The following ULK1 variants were observed in gnomAD, a reference collection of about 807,000 sequenced individuals.
ULK1 encodes serine/threonine-protein kinase ULK1.
In ULK1, 48 loss-of-function variants were observed where a neutral mutation model predicts 117.5. The ratio of observed to expected loss-of-function variants is 0.41; its 90% confidence interval spans 0.32 to 0.52. The LOEUF (loss-of-function observed/expected upper bound fraction) is 0.52, where lower values mean the gene tolerates loss of function less well. Among genes scored for constraint, ULK1 ranks in the 20% least tolerant of loss-of-function variants. The pLI, the probability that ULK1 is intolerant of heterozygous loss-of-function variation, is 0.29. For missense variants in ULK1, 1,387 were observed against 1,473.4 expected (o/e 0.94, Z 0.96); for synonymous variants, 790 against 637.8 (o/e 1.24, Z -3.60).
intron 4 of ULK1, 77 bp downstream of exon 4, chr12:131,907,001 TG>T (rs1889302890): frequency 6.3e-7 from 1 of 1,593,914 alleles, no homozygotes. Flanking sequence ...GGGACATGGC[TG>T]GGGGGAGGGT....
rs1315182614 is a variant in ULK1, at chr12:131,903,683, C to T, written c.247-3209C>T. Among the ~76,000 whole-genome samples the T allele has an allele frequency of 4.6e-5, 7 of 152,142 alleles. No individual in the cohort carries two copies. The highest frequency in any genetic ancestry group is 4.6e-4 in the Admixed American group (7 of 15,274). On this transcript the variant is annotated intron_variant, in intron 3 of 27. Coordinates refer to ENST00000321867, the MANE Select transcript of ULK1 (RefSeq NM_003565.4). This position sits in a 1 kb window ranked among gnomAD's most constrained non-coding sequence, Gnocchi z 6.0. ...TACCCTGCAGCCCCACCCCCAGTGG[C>T]CTTGAGTCACCTGCTGGAGAGGACC...
chr12:131,909,873 C>T (rs1211591321), intron 9 of ULK1, 40 bp downstream of exon 9: 1 of 1,609,980 alleles, frequency 6.2e-7, no homozygotes, highest in Non-Finnish European at 8.5e-7. Flanking sequence ...CCCCCGCGGG[C>T]TCCGGCCCCG....
chr12:131,915,608 C>A (rs572589279), intron 18 of ULK1, among the ~76,000 whole-genome samples, 187 bp downstream of exon 18: 1 of 152,322 alleles, frequency 6.6e-6, no homozygotes, highest in East Asian at 1.9e-4. Flanking sequence ...CCCCTCTGTG[C>A]CAGTCTTCTG....
Position 131,908,818 on chromosome 12 carries a change from G to C in ULK1, c.490+1G>C. ...CCCAACAGCATCCGCGTCAAGATCG[G>C]TCAGCCCGCGGGCAGGCAGGCGGGC... On this transcript the variant is annotated splice_donor_variant, in intron 6 of 27. Transcript: ENST00000321867. LOFTEE classifies it high-confidence loss of function. The C allele has an allele frequency of 6.2e-7, 1 of 1,605,636 alleles. No individual in the cohort carries two copies. The highest frequency in any genetic ancestry group is 8.5e-7 in the Non-Finnish European group (1 of 1,176,766).
chr12:131,917,217 C>G lies in ULK1; in HGVS notation c.2182+155C>G, dbSNP rs1293085096. 0.014 allele frequency among the ~76,000 whole-genome samples: 67 copies of G among 4,714 alleles called. 15 individuals carry two copies. In the East Asian group the frequency reaches 0.18, roughly 13 times the overall value. 3.1% of individuals were successfully genotyped at this position (4,714 alleles called of 152,430 possible). On this transcript the variant is annotated intron_variant, in intron 21 of 27. Coordinates refer to ENST00000321867, the MANE Select transcript of ULK1 (RefSeq NM_003565.4). ...GGGGCTTGGAGGCTGTGGGATGGGG[C>G]TCGAGGCTGTGGGACGGGGGTCGGG... is the stretch of plus-strand genomic sequence containing the variant.
At chr12:131,895,288 C>T (rs897455102) in intron 1 of ULK1, among the ~76,000 whole-genome samples, 176 bp downstream of exon 1, 15 of 149,384 alleles carry the variant, frequency 1.0e-4, no homozygotes, top group Non-Finnish European at 2.2e-4. Flanking sequence ...CCCGACTTTC[C>T]AGTTCAGACT....
chr12:131,909,031 T>C, intron 7 of ULK1, 60 bp downstream of exon 7: 3 of 1,611,836 alleles, frequency 1.9e-6, no homozygotes, highest in Non-Finnish European at 2.5e-6. Flanking sequence ...GCTGGTTGGT[T>C]GGCTGGCGTG....
intron 13 of ULK1, 88 bp downstream of exon 13, chr12:131,912,177 A>G: frequency 6.7e-7 from 1 of 1,494,436 alleles, no homozygotes; most frequent in Non-Finnish European, 9.0e-7. Flanking sequence ...TGTGTAACAC[A>G]TTTCCACTTA....
intron 5 of ULK1, 62 bp from the exon 6 acceptor site, chr12:131,908,582 G>C: frequency 7.0e-7 from 1 of 1,419,642 alleles, no homozygotes; most frequent in Non-Finnish European, 9.2e-7. Flanking sequence ...GCCTGGCTGC[G>C]CGGGACTCAC....
intron 8 of ULK1, among the ~76,000 whole-genome samples, 162 bp from the exon 9 acceptor site, chr12:131,909,613 A>C (rs1006911709): frequency 6.6e-6 from 1 of 151,674 alleles, no homozygotes; most frequent in Non-Finnish European, 1.5e-5. Flanking sequence ...CCCCGCCCCC[A>C]TGCTCATACC....
Position 131,918,645 on chromosome 12 carries a change from C to G in ULK1, c.2475C>G (p.Phe825Leu). ...CGAACCTGGAGGGGGCTGTGACCTT[C>G]GAGGCCCCCGACCTCCCTGAGGAGA... is the stretch of plus-strand genomic sequence containing the variant. ...ITANLEGAVT[F>L]EAPDLPEETL... Residue 825 changes from phenylalanine to leucine, a missense_variant, in exon 23 of 28, where the codon TTC becomes TTG. Phe to Leu is a conservative substitution (Grantham distance 22). Around this residue, in one of 4 missense-constraint regions of ULK1, gnomAD observed 900 missense variants for 858.9 expected, o/e 1.05. Transcript: ENST00000321867. 6.2e-7 allele frequency: 1 copy of G among 1,607,850 alleles called. No individual in the cohort carries two copies. Among genetic ancestry groups the G allele is most frequent in the Non-Finnish European group, 8.5e-7 (1 of 1,177,980 alleles).
At chr12:131,904,353 G>T (rs1057000443) in intron 3 of ULK1, among the ~76,000 whole-genome samples, 1 of 152,204 alleles carries the variant, frequency 6.6e-6, no homozygotes, top group African/African-American at 2.4e-5. Flanking sequence ...TTGCCATGTT[G>T]CCCAGGCTGG....
chr12:131,913,098 G>A (rs1027539060), intron 13 of ULK1, 100 bp from the exon 14 acceptor site: 12 of 1,156,400 alleles, frequency 1.0e-5, no homozygotes, highest in Middle Eastern at 2.4e-4. Context: ...GCCCCTGCAA[G>A]GTGGAGTGTG....
chr12:131,908,989 G>C lies in ULK1; in HGVS notation c.564+18G>C. 6.2e-7 allele frequency: 1 copy of C among 1,612,792 alleles called. No individual in the cohort carries two copies. The highest frequency in any genetic ancestry group is 8.5e-7 in the Non-Finnish European group (1 of 1,179,866). On this transcript the variant is annotated intron_variant, in intron 7 of 27. Coordinates refer to ENST00000321867, the MANE Select transcript of ULK1 (RefSeq NM_003565.4). ...TGTACATGGTGTGTTTACCTTGGCC[G>C]GGCTGTGCCGGGTGGGCGCCTCTCT... is the stretch of plus-strand genomic sequence containing the variant.
intron 3 of ULK1, among the ~76,000 whole-genome samples, chr12:131,900,643 C>CG (rs1211454744): frequency 1.3e-5 from 2 of 152,244 alleles, no homozygotes; most frequent in East Asian, 3.8e-4. Flanking sequence ...GGTGGCCCCC[C>CG]TGGCCAGCAC....
rs777154532 is a variant in ULK1 at position 131,921,713 on chromosome 12, C to G, written c.*352C>G. ...GACCACTGCCGACTCAAAGCCAAAG[C>G]GAGCTCCTGCTTAGGGAAGGTCAGC... On this transcript the variant is annotated 3_prime_UTR_variant, in exon 28 of 28. Coordinates refer to ENST00000321867, the MANE Select transcript of ULK1 (RefSeq NM_003565.4). The G allele has an allele frequency of 3.4e-6, 2 of 592,984 alleles. No individual in the cohort carries two copies. The highest frequency in any genetic ancestry group is 3.7e-5 in the African/African-American group (2 of 54,662). The allele number at this position is 592,984 out of a possible 1,614,324, so 36.7% of individuals were successfully genotyped here.
In ULK1 at chr12:131,921,779, CCA is replaced by C. The variant is rs1566132464; in HGVS notation, c.*419_*420del. 2 of 512,182 alleles carry C rather than the reference CCA, an allele frequency of 3.9e-6. No homozygotes were observed. Among genetic ancestry groups the C allele is most frequent in the South Asian group, 1.5e-5 (1 of 65,058 alleles). The allele number at this position is 512,182 out of a possible 1,614,324, so 31.7% of individuals were successfully genotyped here. A position where few individuals can be genotyped will look rare whatever the true frequency, so the allele number is the denominator to read the frequency against. On this transcript the variant is annotated 3_prime_UTR_variant, in exon 28 of 28. Transcript: ENST00000321867. ...GAAGAGCCTGCGGCCTCGGCGTCCC[CCA>C]GTCTCCAGGAGCCTCTCCCTCCGAG...
chr12:131,919,328 C>T lies in ULK1; in HGVS notation c.2628C>T (p.Tyr876=), dbSNP rs773998485. 5 of 1,584,402 alleles carry T rather than the reference C, an allele frequency of 3.2e-6. No homozygotes were observed. The highest frequency in any genetic ancestry group is 4.5e-5 in the East Asian group (2 of 44,426). ...GTGAGGCGGCGGGGGGCCCTGAGTA[C>T]CAGCTGCAGGAGAGTGTGGTGGCCG... ...SASEAAGGPE[Y]QLQESVVADQ... Residue 876 remains tyrosine, a synonymous_variant, in exon 24 of 28, where the codon TAC becomes TAT. Coordinates refer to ENST00000321867, the MANE Select transcript of ULK1 (RefSeq NM_003565.4).
intron 10 of ULK1, 74 bp downstream of exon 10, chr12:131,910,075 A>G: frequency 6.3e-7 from 1 of 1,580,450 alleles, no homozygotes; most frequent in Non-Finnish European, 8.6e-7. Context: ...AGCAGGGCCC[A>G]CCGGCTTCAC....
Sources: gnomAD v4.1 joint callset for allele counts (sites outside exome capture counted in the v4.1 genomes callset) on GRCh38, gnomAD v4.1.1 for gene constraint, gnomAD v4.1.1 regional missense constraint, Gnocchi (gnomAD v3.1) non-coding constraint, MANE v1.5 for transcripts, NCBI Gene and HGNC (gene_info 2026-07-23, HGNC 2026-07-21) for gene names.